ZNF707: variants seen among roughly 807,000 people sequenced by gnomAD.
The protein encoded by ZNF707 is zinc finger protein 707.
Under a neutral mutation model 13.3 loss-of-function variants are expected in ZNF707, and 8 were observed. That is an observed-to-expected ratio of 0.60 (90% CI 0.35 to 1.09). The LOEUF (loss-of-function observed/expected upper bound fraction) is 1.09, where lower values mean the gene tolerates loss of function less well. ZNF707 is among the 50% of genes least tolerant of loss of function. ZNF707 has a pLI of 0.02. For synonymous variants in ZNF707, 225 were observed against 205.6 expected, an observed-to-expected ratio of 1.09 and a Z score of -0.81; for missense variants, 530 against 512.6, an observed-to-expected ratio of 1.03 and a Z score of -0.33.
chr8:143,692,526 C>T (rs879949279), intron 5 of ZNF707, among the ~76,000 whole-genome samples: 10 of 76,056 alleles, frequency 1.3e-4, no homozygotes, highest in Admixed American at 1.2e-4. Context: ...GTCGGATCCC[C>T]GGGTGTGTGG....
intron 4 of ZNF707, 129 bp from the exon 5 acceptor site, chr8:143,691,471 G>T: frequency 9.0e-7 from 1 of 1,107,442 alleles, no homozygotes; most frequent in Non-Finnish European, 1.3e-6. Flanking sequence ...TCTCTGCTTT[G>T]GGGTGGCTTC....
At chr8:143,690,236 T>C (rs2131522890) in intron 3 of ZNF707, 113 bp downstream of exon 3, 1 of 1,405,272 alleles carries the variant, frequency 7.1e-7, no homozygotes, top group East Asian at 2.3e-5. Flanking sequence ...ACTGTGCCCG[T>C]GTCTGCCTTT....
intron 4 of ZNF707, 143 bp downstream of exon 4, chr8:143,691,342 G>T: frequency 7.3e-7 from 1 of 1,365,620 alleles, no homozygotes; most frequent in Non-Finnish European, 9.7e-7. Flanking sequence ...GGCTTATGTA[G>T]ACAGAGGGGC....
At position 143,694,450 on chromosome 8, in the gene ZNF707, T is replaced by G; in HGVS notation, c.1036T>G (p.Cys346Gly). The G allele has an allele frequency of 6.2e-7, 1 of 1,611,852 alleles. No homozygotes were observed. Among genetic ancestry groups the G allele is most frequent in the Non-Finnish European group, 8.5e-7 (1 of 1,179,324 alleles). The change falls in exon 6 of 6, where the codon TGC (cysteine) becomes GGC (glycine). Residue 346 changes from cysteine to glycine, a missense_variant. Cys to Gly is a radical substitution (Grantham distance 159). Transcript: ENST00000358656. The surrounding 1 kb of genome is among the most constrained non-coding windows in gnomAD (Gnocchi z 4.4). ...RLHLTKRFYE[C>G]GHCGKGFRHL... ...GCACCTGACGAAGAGGTTCTACGAG[T>G]GCGGCCACTGTGGGAAAGGCTTCCG...
rs782153765 is a variant in ZNF707 at position 143,694,134 on chromosome 8, G to A, written c.720G>A (p.Ala240=). Residue 240 remains alanine, a synonymous_variant, in exon 6 of 6, where the codon GCG becomes GCA. Coordinates refer to ENST00000358656, the MANE Select transcript of ZNF707 (RefSeq NM_001100598.2). This position sits in a 1 kb window ranked among gnomAD's most constrained non-coding sequence, Gnocchi z 4.4. The part of the protein sequence containing the change: ...KPFCCEACGQ[A]FSLKDRLAQH... ...TCTGCTGCGAGGCCTGCGGGCAGGCGTTCAGCCTGAAGGACCGCCTGGCTC... is the reference window on the plus strand; with the variant it reads ...TCTGCTGCGAGGCCTGCGGGCAGGCATTCAGCCTGAAGGACCGCCTGGCTC... The A allele has an allele frequency of 4.4e-6, 7 of 1,595,492 alleles. No individual in the cohort carries two copies. The highest frequency in any genetic ancestry group is 4.3e-6 in the Non-Finnish European group (5 of 1,171,152).
chr8:143,691,835 C>G (rs1189788150), intron 5 of ZNF707, 122 bp downstream of exon 5: 1 of 991,934 alleles, frequency 1.0e-6, no homozygotes, highest in African/African-American at 1.6e-5. Flanking sequence ...AGACACACAG[C>G]TGCTCTCTAA....
At chr8:143,687,479 G>A (rs1387415922) in intron 1 of ZNF707, 1 of 152,228 alleles carries the variant, frequency 6.6e-6, no homozygotes, top group Admixed American at 6.6e-5. Context: ...GGGATGACAG[G>A]TGCCTGCCAC....
intron 1 of ZNF707, among the ~76,000 whole-genome samples, chr8:143,687,170 C>T (rs1370186297): frequency 2.6e-5 from 4 of 151,798 alleles, no homozygotes; most frequent in African/African-American, 4.8e-5. Context: ...TGCATCCGGC[C>T]TGAATTTGTA....
rs1005427574 is a variant in ZNF707 at position 143,693,612 on chromosome 8, G to C, written c.257-59G>C. ...GCCCGGCCTCCTCTGGGCTTTGCTG[G>C]AGGCACTGCCTGGCTGTGGGCCACT... On this transcript the variant is annotated intron_variant, in intron 5 of 5. Coordinates refer to ENST00000358656, the MANE Select transcript of ZNF707 (RefSeq NM_001100598.2). This position sits in a 1 kb window ranked among gnomAD's most constrained non-coding sequence, Gnocchi z 4.1. 1.4e-6 allele frequency: 2 copies of C among 1,478,888 alleles called. No individual in the cohort carries two copies. Among genetic ancestry groups the C allele is most frequent in the East Asian group, 2.4e-5 (1 of 41,618 alleles). The allele number at this position is 1,478,888 out of a possible 1,614,324, so 91.6% of individuals were successfully genotyped here.
At position 143,690,087 on chromosome 8, in the gene ZNF707, G is replaced by A; in HGVS notation, c.-22G>A. The stretch of plus-strand genomic sequence containing the variant: ...CCCTCCTTGGCACTGTGCTTCCCCA[G>A]AGGGGTGGCCTCGCTGTTCCCATGG... On this transcript the variant is annotated 5_prime_UTR_variant, in exon 3 of 6. Coordinates refer to ENST00000358656, the MANE Select transcript of ZNF707 (RefSeq NM_001100598.2). The A allele has an allele frequency of 6.2e-7, 1 of 1,609,096 alleles. No homozygotes were observed.
intron 2 of ZNF707, among the ~76,000 whole-genome samples, chr8:143,689,661 G>T (rs1304629208): frequency 6.6e-6 from 1 of 152,196 alleles, no homozygotes; most frequent in Non-Finnish European, 1.5e-5. Flanking sequence ...GTGGGAACGG[G>T]CTGCCCGCCT....
Position 143,694,001 on chromosome 8 carries a change from C to T in ZNF707, c.587C>T (p.Thr196Met), listed in dbSNP as rs114664141. 3,549 of 1,603,838 alleles carry T rather than the reference C, an allele frequency of 2.2e-3. 75 individuals are homozygous for T. In the African/African-American group the frequency reaches 0.042, roughly 19 times the overall value. The part of the protein sequence containing the change: ...SCHSRLLAHQ[T>M]VHTGTKAFEC... ...CACAGCCGGCTGCTCGCTCACCAGA[C>T]GGTGCACACGGGAACCAAGGCCTTC... is the stretch of plus-strand genomic sequence containing the variant. Residue 196 changes from threonine (T) to methionine (M), a missense_variant, in exon 6 of 6, where the codon ACG (threonine) becomes ATG (methionine). Transcript: ENST00000358656. This position sits in a 1 kb window ranked among gnomAD's most constrained non-coding sequence, Gnocchi z 4.4.
Position 143,693,198 on chromosome 8 carries a change from G to A in ZNF707, c.257-473G>A, listed in dbSNP as rs1284943584. Among the ~76,000 whole-genome samples, 1 of 152,084 alleles carries A rather than the reference G, an allele frequency of 6.6e-6. No individual in the cohort carries two copies. The highest frequency in any genetic ancestry group is 1.5e-5 in the Non-Finnish European group (1 of 68,020). On this transcript the variant is annotated intron_variant, in intron 5 of 5. Coordinates refer to ENST00000358656, the MANE Select transcript of ZNF707 (RefSeq NM_001100598.2). The surrounding 1 kb of genome is among the most constrained non-coding windows in gnomAD (Gnocchi z 4.1). Reference sequence around the variant, plus strand: ...GTGGCTCATCTGTGTTTCTTTGAACGAGTTTTCCTGATCACTCGTAACCAT... The same window carrying A: ...GTGGCTCATCTGTGTTTCTTTGAACAAGTTTTCCTGATCACTCGTAACCAT...
At chr8:143,692,477 T>C (rs1587396447) in intron 5 of ZNF707, 1 of 317,866 alleles carries the variant, frequency 3.1e-6, no homozygotes. Flanking sequence ...TGGGGAGGTG[T>C]CGGATCCCCG....
chr8:143,690,872 C>G (rs1587388141), intron 3 of ZNF707: 1 of 688,516 alleles, frequency 1.5e-6, no homozygotes, highest in East Asian at 2.8e-5. Flanking sequence ...CCCTTCTGAC[C>G]TCACTTAACC....
rs1817037685 is a variant in ZNF707, at chr8:143,693,564, G to C, written c.257-107G>C. On this transcript the variant is annotated intron_variant, in intron 5 of 5. Transcript: ENST00000358656. The surrounding 1 kb of genome is among the most constrained non-coding windows in gnomAD (Gnocchi z 4.1). ...CCCGCCTCGGCCTCCCAAAGTGCTG[G>C]GATTACAGGCGTGAGCCACCGCGCC... 1 of 1,318,684 alleles carries C rather than the reference G, an allele frequency of 7.6e-7. No individual in the cohort carries two copies. Among genetic ancestry groups the C allele is most frequent in the African/African-American group, 1.5e-5 (1 of 66,676 alleles). 81.7% of individuals were successfully genotyped at this position (1,318,684 alleles called of 1,614,324 possible).
At chr8:143,687,970 CTTTTTTTTTTT>C (rs60362242) in intron 1 of ZNF707, 3 of 98,010 alleles carry the variant, frequency 3.1e-5, no homozygotes, top group South Asian at 5.9e-4. Flanking sequence ...ATATCATTTT[CTTTTTTTTTTT>C]TTTTTTTTTG....
intron 5 of ZNF707, chr8:143,692,439 G>A (rs1350892492): frequency 1.8e-6 from 1 of 556,354 alleles, no homozygotes; most frequent in South Asian, 1.6e-5. Flanking sequence ...GGGAGGTGTC[G>A]GATCCCCGGG....
Position 143,693,930 on chromosome 8 carries a change from A to G in ZNF707, c.516A>G (p.Val172=), listed in dbSNP as rs1554614445. The G allele has an allele frequency of 2.2e-5, 36 of 1,607,826 alleles. No homozygotes were observed. The highest frequency in any genetic ancestry group is 2.9e-5 in the Non-Finnish European group (34 of 1,177,778). Residue 172 remains valine, a synonymous_variant, in exon 6 of 6, where the codon GTA becomes GTG. Transcript: ENST00000358656. This position sits in a 1 kb window ranked among gnomAD's most constrained non-coding sequence, Gnocchi z 4.1. ...GAGAGCGCCGGAAGCAGCGCGCAGTAGAGCTGTCATTCATCTGCGGCACGT... is the reference window on the plus strand; with the variant it reads ...GAGAGCGCCGGAAGCAGCGCGCAGTGGAGCTGTCATTCATCTGCGGCACGT... The part of the protein sequence containing the change: ...GRRERRKQRA[V]ELSFICGTCG...
Sources: gnomAD v4.1 joint callset for allele counts (sites outside exome capture counted in the v4.1 genomes callset) on GRCh38, gnomAD v4.1.1 for gene constraint, Gnocchi (gnomAD v3.1) non-coding constraint, MANE v1.5 for transcripts, NCBI Gene and HGNC (gene_info 2026-07-23, HGNC 2026-07-21) for gene names.